ANO3: variants seen among roughly 807,000 people sequenced by gnomAD.
The protein encoded by ANO3 is anoctamin-3.
A neutral mutation model predicts 144.8 loss-of-function variants in ANO3; 99 were observed. The ratio of observed to expected loss-of-function variants is 0.68; its 90% CI spans 0.58 to 0.81. The LOEUF is 0.81. Ranked by LOEUF, ANO3 falls within the 30% of genes least tolerant of loss-of-function variation. ANO3 has a pLI of 0.00. For missense variants in ANO3, 905 were observed against 1,202.2 expected, an observed-to-expected ratio of 0.75 and a Z score of 3.66; for synonymous variants, 414 against 392.6, an observed-to-expected ratio of 1.05 and a Z score of -0.64.
At chr11:26,490,771 G>A (rs1028204882) in intron 4 of ANO3, among the ~76,000 whole-genome samples, 6 of 152,120 alleles carry the variant, frequency 3.9e-5, no homozygotes, top group Non-Finnish European at 5.9e-5. Flanking sequence ...CACATTTCAC[G>A]CTTTAAGTTT....
intron 1 of ANO3, among the ~76,000 whole-genome samples, chr11:26,366,521 T>C (rs1856090850): frequency 1.3e-5 from 2 of 152,112 alleles, no homozygotes; most frequent in Non-Finnish European, 2.9e-5. Flanking sequence ...GGTCAAATGG[T>C]CTTTCTAGTT....
intron 1 of ANO3, among the ~76,000 whole-genome samples, chr11:26,252,229 A>G (rs1852944166): frequency 6.6e-6 from 1 of 152,240 alleles, no homozygotes. Context: ...TAACTGACTT[A>G]GTCTGATTCT....
intron 1 of ANO3, among the ~76,000 whole-genome samples, chr11:26,352,365 T>C (rs544539053): frequency 7.2e-5 from 11 of 152,190 alleles, no homozygotes; most frequent in Non-Finnish European, 1.5e-4. Context: ...ATCCTGTCTA[T>C]ATTTTATTTT....
At chr11:26,245,199 A>C (rs1852763038) in intron 1 of ANO3, among the ~76,000 whole-genome samples, 1 of 152,230 alleles carries the variant, frequency 6.6e-6, no homozygotes, top group Non-Finnish European at 1.5e-5. Context: ...ATCAGGAGGC[A>C]CATGATGTCA....
At chr11:26,387,794 T>C (rs1358954415) in intron 1 of ANO3, among the ~76,000 whole-genome samples, 1 of 152,058 alleles carries the variant, frequency 6.6e-6, no homozygotes, top group African/African-American at 2.4e-5. Context: ...CAGAGAGAGT[T>C]TGCATTTTCT....
At chr11:26,488,479 T>C (rs1005963001) in intron 4 of ANO3, among the ~76,000 whole-genome samples, 1 of 152,104 alleles carries the variant, frequency 6.6e-6, no homozygotes, top group Admixed American at 6.5e-5. Context: ...TTGTGGTGAG[T>C]GTTACAGCTC....
At chr11:26,389,730 T>C (rs1021071803) in intron 1 of ANO3, among the ~76,000 whole-genome samples, 2 of 152,266 alleles carry the variant, frequency 1.3e-5, no homozygotes. Flanking sequence ...TTACATTTTA[T>C]GGTGCTTCAT....
intron 1 of ANO3, among the ~76,000 whole-genome samples, chr11:26,248,555 G>T (rs954849795): frequency 2.0e-5 from 3 of 151,932 alleles, no homozygotes; most frequent in African/African-American, 4.8e-5. Context: ...TACAACAAAA[G>T]ACAAAAAGAT....
intron 1 of ANO3, among the ~76,000 whole-genome samples, chr11:26,420,498 A>C (rs919228724): frequency 1.3e-5 from 2 of 152,122 alleles, no homozygotes; most frequent in East Asian, 3.9e-4. Context: ...TTTAGGTTTG[A>C]CCAGTGGGAG....
intron 1 of ANO3, among the ~76,000 whole-genome samples, chr11:26,211,684 A>T (rs1320279901): frequency 1.3e-5 from 2 of 152,168 alleles, no homozygotes; most frequent in South Asian, 4.1e-4. Flanking sequence ...CTAGAAATAC[A>T]ATTTGACCAA....
At chr11:26,449,476 C>G (rs768229484) in intron 3 of ANO3, among the ~76,000 whole-genome samples, 6 of 36,694 alleles carry the variant, frequency 1.6e-4, no homozygotes, top group Non-Finnish European at 3.0e-4. Context: ...CTGTCTGTCT[C>G]TCTCTCTCTC....
chr11:26,476,420 G>A (rs1859971875), intron 4 of ANO3, among the ~76,000 whole-genome samples: 1 of 151,992 alleles, frequency 6.6e-6, no homozygotes, highest in African/African-American at 2.4e-5. Context: ...AGTGACCTAT[G>A]TGAGGGCCCT....
chr11:26,640,684 G>A (rs182273840), intron 21 of ANO3, among the ~76,000 whole-genome samples: 5 of 152,168 alleles, frequency 3.3e-5, no homozygotes, highest in Non-Finnish European at 7.4e-5. Context: ...CCTTGCGCTA[G>A]GGGTCAGTCT....
chr11:26,498,592 A>G (rs958943646), intron 4 of ANO3, among the ~76,000 whole-genome samples: 5 of 150,806 alleles, frequency 3.3e-5, no homozygotes, highest in Admixed American at 2.7e-4. Flanking sequence ...CAAAAACCAT[A>G]TTATAAGATC....
chr11:26,323,837 T>G (rs1050153828), intron 1 of ANO3, among the ~76,000 whole-genome samples: 5 of 152,182 alleles, frequency 3.3e-5, no homozygotes, highest in Admixed American at 1.3e-4. Context: ...AAAAGCTGAA[T>G]TGTGATAATA....
chr11:26,254,162 G>A (rs922466446), intron 1 of ANO3, among the ~76,000 whole-genome samples: 1 of 152,052 alleles, frequency 6.6e-6, no homozygotes, highest in Non-Finnish European at 1.5e-5. Flanking sequence ...GGTGACTTAC[G>A]AGTACTTGTA....
chr11:26,445,954 C>T (rs974814980), intron 3 of ANO3, among the ~76,000 whole-genome samples: 27 of 152,190 alleles, frequency 1.8e-4, no homozygotes, highest in Non-Finnish European at 3.5e-4. Flanking sequence ...GCCTCAGCCT[C>T]CCGAGTAGCT....
intron 10 of ANO3, among the ~76,000 whole-genome samples, chr11:26,540,744 A>C (rs1590490050): frequency 1.3e-5 from 2 of 152,350 alleles, no homozygotes; most frequent in East Asian, 3.9e-4. Context: ...AACCACAATG[A>C]GATACCATCT....
chr11:26,659,258 G>C (rs1853802435), intron 26 of ANO3, among the ~76,000 whole-genome samples: 1 of 151,988 alleles, frequency 6.6e-6, no homozygotes, highest in Admixed American at 6.6e-5. Context: ...TAGGTGATTT[G>C]CCTGAGGTTA....
Sources: gnomAD v4.1 joint callset for allele counts (sites outside exome capture counted in the v4.1 genomes callset) on GRCh38, gnomAD v4.1.1 for gene constraint, MANE v1.5 for transcripts, NCBI Gene and HGNC (gene_info 2026-07-23, HGNC 2026-07-21) for gene names.